PHACTR1: variants seen among roughly 807,000 people sequenced by gnomAD.
PHACTR1 encodes RPEL repeat containing 1.
PHACTR1 carries 16 observed loss-of-function variants against 69.2 expected under a neutral mutation model. That is an observed-to-expected ratio of 0.23 (90% CI 0.16 to 0.35). The LOEUF is 0.35. Among genes scored for constraint, PHACTR1 ranks in the 10% least tolerant of loss-of-function variants. The pLI is 1.00. For missense variants in PHACTR1, 510 were observed against 734.7 expected (o/e 0.69, Z 3.54); for synonymous variants, 312 against 284.5 (o/e 1.10, Z -0.97).
chr6:12,921,558 A>G (rs1787673455), intron 4 of PHACTR1, among the ~76,000 whole-genome samples: 1 of 123,986 alleles, frequency 8.1e-6, no homozygotes, highest in Non-Finnish European at 1.7e-5. Context: ...GGAAGGAGGA[A>G]GGAAGGAAGG....
At chr6:13,031,849 G>C (rs1583046660) in intron 4 of PHACTR1, among the ~76,000 whole-genome samples, 1 of 152,190 alleles carries the variant, frequency 6.6e-6, no homozygotes, top group Non-Finnish European at 1.5e-5. Flanking sequence ...TGAAATCAAA[G>C]TTTGCATTTC....
chr6:13,081,273 C>T (rs930185773), intron 5 of PHACTR1, among the ~76,000 whole-genome samples: 1 of 152,114 alleles, frequency 6.6e-6, no homozygotes, highest in African/African-American at 2.4e-5. Context: ...TTTCCTCATG[C>T]GTGAAGTGGT....
At chr6:12,981,122 T>G (rs1795475398) in intron 4 of PHACTR1, among the ~76,000 whole-genome samples, 2 of 151,664 alleles carry the variant, frequency 1.3e-5, no homozygotes, top group Admixed American at 1.3e-4. Context: ...ATTTAATCTA[T>G]CTTCTTGCAT....
intron 4 of PHACTR1, among the ~76,000 whole-genome samples, chr6:12,958,500 G>A (rs1277525638): frequency 6.6e-6 from 1 of 152,218 alleles, no homozygotes; most frequent in East Asian, 1.9e-4. Context: ...ATAAGGGATA[G>A]GCTTGGTGGG....
At chr6:12,831,163 C>G (rs993593365) in intron 4 of PHACTR1, among the ~76,000 whole-genome samples, 6 of 152,196 alleles carry the variant, frequency 3.9e-5, no homozygotes, top group Non-Finnish European at 8.8e-5. Context: ...AATCATTGCT[C>G]TGTGCATAGT....
intron 5 of PHACTR1, among the ~76,000 whole-genome samples, chr6:13,121,812 G>C (rs1391578053): frequency 2.0e-5 from 3 of 152,176 alleles, no homozygotes; most frequent in African/African-American, 7.2e-5. Flanking sequence ...AAAGCAGGCT[G>C]TGCATGAAAT....
Position 13,245,615 on chromosome 6 carries a change from A to G in PHACTR1, c.1391+15422A>G, listed in dbSNP as rs766973584. ...CTCCCATTCTGTAGCTTGTCTGTTT[A>G]CTCTGTTGACAGTTTCTTTTGCTGT... On this transcript the variant is annotated intron_variant, in intron 10 of 14. Transcript: ENST00000332995. The surrounding 1 kb of genome is among the most constrained non-coding windows in gnomAD (Gnocchi z 4.1). Among the ~76,000 whole-genome samples, 14 of 151,410 alleles carry G rather than the reference A, an allele frequency of 9.2e-5. No homozygotes were observed. The highest frequency in any genetic ancestry group is 1.6e-4 in the Non-Finnish European group (11 of 67,858).
chr6:13,176,115 G>A lies in PHACTR1; in HGVS notation c.497-6404G>A, dbSNP rs949568025. Among the ~76,000 whole-genome samples the A allele has an allele frequency of 6.6e-5, 10 of 152,212 alleles. No individual in the cohort carries two copies. The East Asian group carries it at 1.7e-3, about 26-fold the overall frequency. The stretch of plus-strand genomic sequence containing the variant: ...GTAGAAACCAGAGGAATGAGGAATG[G>A]GTTTCCCCTCTAACCAAGCTATTAT... On this transcript the variant is annotated intron_variant, in intron 6 of 14. Transcript: ENST00000332995.
chr6:13,149,462 G>C (rs890340264), intron 5 of PHACTR1, among the ~76,000 whole-genome samples: 8 of 152,184 alleles, frequency 5.3e-5, no homozygotes, highest in Non-Finnish European at 1.0e-4. Flanking sequence ...TGCTGATGTA[G>C]ATGACTTGGA....
intron 4 of PHACTR1, among the ~76,000 whole-genome samples, chr6:12,889,202 T>C (rs1783928167): frequency 6.6e-6 from 1 of 152,112 alleles, no homozygotes; most frequent in South Asian, 2.1e-4. Context: ...AGCCAGGAGA[T>C]CAAAGCTGCA....
At chr6:13,131,127 CCATATATATA>C (rs1820335117) in intron 5 of PHACTR1, among the ~76,000 whole-genome samples, 2 of 150,808 alleles carry the variant, frequency 1.3e-5, no homozygotes, top group African/African-American at 4.9e-5. Context: ...ATCAAAACTA[CCATATATATA>C]CATATATATA....
At chr6:12,838,755 G>A (rs941611034) in intron 4 of PHACTR1, among the ~76,000 whole-genome samples, 7 of 152,122 alleles carry the variant, frequency 4.6e-5, no homozygotes, top group African/African-American at 1.7e-4. Context: ...TTGTGAATTT[G>A]TGTTCCCCTA....
At chr6:12,932,213 G>A (rs944785596) in intron 4 of PHACTR1, among the ~76,000 whole-genome samples, 6 of 152,180 alleles carry the variant, frequency 3.9e-5, no homozygotes, top group African/African-American at 7.2e-5. Context: ...GAGAGAAGCA[G>A]TGAAGCCCAT....
chr6:12,755,361 T>C (rs1287963620), intron 4 of PHACTR1, among the ~76,000 whole-genome samples: 1 of 152,180 alleles, frequency 6.6e-6, no homozygotes, highest in African/African-American at 2.4e-5. Context: ...AGCTCTAAGA[T>C]GAGGGTTTTA....
At chr6:12,741,768 C>A (rs1235750859) in intron 3 of PHACTR1, among the ~76,000 whole-genome samples, 33 of 143,470 alleles carry the variant, frequency 2.3e-4, no homozygotes, top group Non-Finnish European at 2.4e-4. Context: ...TGTCAAACTC[C>A]AAAAAAAAAA....
chr6:12,800,564 C>T (rs1283501816), intron 4 of PHACTR1, among the ~76,000 whole-genome samples: 2 of 151,946 alleles, frequency 1.3e-5, no homozygotes, highest in South Asian at 2.1e-4. Flanking sequence ...GTGAGCTATT[C>T]GATCTAGAAA....
chr6:13,268,960 CA>C (rs1406220380), intron 10 of PHACTR1, among the ~76,000 whole-genome samples: 2 of 152,136 alleles, frequency 1.3e-5, no homozygotes, highest in African/African-American at 4.8e-5. Context: ...AGAGTCTAGT[CA>C]CTCAGTTTTG....
intron 4 of PHACTR1, among the ~76,000 whole-genome samples, chr6:12,910,995 T>A (rs1436488831): frequency 6.6e-6 from 1 of 152,168 alleles, no homozygotes; most frequent in Non-Finnish European, 1.5e-5. Flanking sequence ...CTGACTGGCA[T>A]GAAAGCTCAG....
intron 5 of PHACTR1, among the ~76,000 whole-genome samples, chr6:13,150,933 T>C (rs576893204): frequency 6.6e-6 from 1 of 152,358 alleles, no homozygotes; most frequent in Non-Finnish European, 1.5e-5. Context: ...GATTATTATG[T>C]TTTGAGTCTT....
Sources: allele counts gnomAD v4.1 joint callset (sites outside exome capture counted in the v4.1 genomes callset), GRCh38; gene constraint gnomAD v4.1.1; non-coding constraint Gnocchi (gnomAD v3.1); transcripts MANE v1.5; gene names NCBI Gene and HGNC (gene_info 2026-07-23, HGNC 2026-07-21).